Variants in PRICKLE1 observed in about 807,000 individuals in gnomAD.
PRICKLE1 encodes prickle planar cell polarity protein 1, also known as prickle-like protein 1.
A neutral mutation model predicts 70.2 loss-of-function variants in PRICKLE1; 14 were observed. The ratio of observed to expected loss-of-function variants is 0.20; its 90% CI spans 0.13 to 0.31. The LOEUF (loss-of-function observed/expected upper bound fraction) is 0.31, where lower values mean the gene tolerates loss of function less well. Ranked by LOEUF, PRICKLE1 falls within the 10% of genes least tolerant of loss-of-function variation. The pLI is 1.00. For synonymous variants in PRICKLE1, 357 were observed against 379.9 expected (o/e 0.94, Z 0.70); for missense variants, 821 against 1,026.2 (o/e 0.80, Z 2.73).
At chr12:42,528,710 A>G (rs1378727271) in intron 1 of PRICKLE1, among the ~76,000 whole-genome samples, 3 of 152,246 alleles carry the variant, frequency 2.0e-5, no homozygotes, top group Non-Finnish European at 4.4e-5. Context: ...TGTTCAGAAT[A>G]TGCCAGTTTG....
At chr12:42,550,332 TAAAA>T (rs1940293124) in intron 1 of PRICKLE1, 1 of 151,960 alleles carries the variant, frequency 6.6e-6, no homozygotes, top group Non-Finnish European at 1.5e-5. Context: ...GACCTTATCT[TAAAA>T]GAAAGAAAGA....
Position 42,464,986 on chromosome 12 carries a change from G to C in PRICKLE1, c.1048C>G (p.Leu350Val), listed in dbSNP as rs1938034047. Residue 350 changes from leucine to valine, a missense_variant, in exon 7 of 8, where the codon CTC (leucine) becomes GTC (valine). Physicochemically the swap from Leu to Val is conservative, Grantham distance 32. Transcript: ENST00000345127. This position sits in a 1 kb window ranked among gnomAD's most constrained non-coding sequence, Gnocchi z 4.2. ...SRSADQCRQS[L>V]LLSPALNYKF... ...TAGTTCAGAGCAGGCGATAAGAGGAGAGACTGTCTACACTGATCTGCTGAC... is the reference window on the plus strand; with the variant it reads ...TAGTTCAGAGCAGGCGATAAGAGGACAGACTGTCTACACTGATCTGCTGAC... The C allele has an allele frequency of 6.2e-7, 1 of 1,614,006 alleles. No homozygotes were observed. The highest frequency in any genetic ancestry group is 1.1e-5 in the South Asian group (1 of 91,052).
Position 42,541,928 on chromosome 12 carries a change from G to A in PRICKLE1, c.-49+47537C>T, listed in dbSNP as rs931772897. 1.7e-4 allele frequency among the ~76,000 whole-genome samples: 26 copies of A among 152,196 alleles called. 1 individual carries two copies. Among genetic ancestry groups the A allele is most frequent in the Admixed American group, 1.6e-3 (24 of 15,274 alleles). ...AGCCATAGGGTTCAGGAAGCACAGA[G>A]CCAGGAAGAGAAACGGGCTTGCAAC... is the stretch of plus-strand genomic sequence containing the variant. On this transcript the variant is annotated intron_variant, in intron 1 of 7. Coordinates refer to ENST00000345127, the MANE Select transcript of PRICKLE1 (RefSeq NM_153026.3).
At chr12:42,495,323 T>C (rs1593137655) in intron 1 of PRICKLE1, among the ~76,000 whole-genome samples, 1 of 144,688 alleles carries the variant, frequency 6.9e-6, no homozygotes, top group South Asian at 2.2e-4. Context: ...GAGACAGAGG[T>C]CACTGAGATT....
intron 1 of PRICKLE1, among the ~76,000 whole-genome samples, chr12:42,564,510 A>C (rs1940589726): frequency 6.6e-6 from 1 of 152,138 alleles, no homozygotes; most frequent in South Asian, 2.1e-4. Context: ...CAGGAGGCTG[A>C]GGCAGGAGAA....
intron 1 of PRICKLE1, among the ~76,000 whole-genome samples, chr12:42,497,865 TC>T (rs142699423): frequency 0.14 from 21,906 of 151,964 alleles, 1,597 homozygotes; most frequent in Middle Eastern, 0.19. Context: ...TCCTCCCTAC[TC>T]CTACGGCTGC....
At chr12:42,575,699 A>T (rs956497120) in intron 1 of PRICKLE1, among the ~76,000 whole-genome samples, 2 of 152,098 alleles carry the variant, frequency 1.3e-5, no homozygotes, top group African/African-American at 4.8e-5. Flanking sequence ...ATCTCAAAAA[A>T]AAATAAAAAA....
intron 1 of PRICKLE1, among the ~76,000 whole-genome samples, chr12:42,573,397 A>T (rs558031818): frequency 1.3e-5 from 2 of 152,138 alleles, no homozygotes; most frequent in Admixed American, 1.3e-4. Context: ...TATTGACTCT[A>T]TGTGGCCAAC....
At position 42,458,039 on chromosome 12, in the gene PRICKLE1, T is replaced by C. The variant is rs1937643513; in HGVS notation, c.*1770A>G. ...GAAGAACTCTCTCACCATTGGTGCT[T>C]TTCTGAAGGGAATCTGTGTAGCCCA... On this transcript the variant is annotated 3_prime_UTR_variant, in exon 8 of 8. Coordinates refer to ENST00000345127, the MANE Select transcript of PRICKLE1 (RefSeq NM_153026.3). 1 of 152,192 alleles carries C rather than the reference T, an allele frequency of 6.6e-6. No homozygotes were observed. The highest frequency in any genetic ancestry group is 1.5e-5 in the Non-Finnish European group (1 of 68,038). 9.4% of individuals were successfully genotyped at this position (152,192 alleles called of 1,614,324 possible). A position where few individuals can be genotyped will look rare whatever the true frequency, so the allele number is the denominator to read the frequency against.
chr12:42,547,842 T>C (rs772340621), intron 1 of PRICKLE1, among the ~76,000 whole-genome samples: 6 of 152,168 alleles, frequency 3.9e-5, no homozygotes, highest in Admixed American at 2.0e-4. Flanking sequence ...TCTGAAGTAC[T>C]TGGGAGAAGA....
At chr12:42,537,522 C>T (rs371483048) in intron 1 of PRICKLE1, among the ~76,000 whole-genome samples, 1 of 152,112 alleles carries the variant, frequency 6.6e-6, no homozygotes, top group African/African-American at 2.4e-5. Context: ...CCAAACAAAA[C>T]GCAGTAATAT....
chr12:42,557,011 G>A (rs1940424127), intron 1 of PRICKLE1, among the ~76,000 whole-genome samples: 1 of 151,302 alleles, frequency 6.6e-6, no homozygotes, highest in African/African-American at 2.4e-5. Flanking sequence ...TTTTAAAGAG[G>A]CAGGTTCTTA....
At chr12:42,490,607 G>A (rs1398577208) in intron 1 of PRICKLE1, among the ~76,000 whole-genome samples, 2 of 152,192 alleles carry the variant, frequency 1.3e-5, no homozygotes, top group Non-Finnish European at 2.9e-5. Flanking sequence ...GAAGATAGTC[G>A]GTGTGTCTGA....
chr12:42,588,576 T>C (rs1410632656), intron 1 of PRICKLE1, among the ~76,000 whole-genome samples: 2 of 152,010 alleles, frequency 1.3e-5, no homozygotes, highest in Admixed American at 1.3e-4. Context: ...GTCTCAGTTC[T>C]GCCGCTGATA....
At chr12:42,506,512 C>T (rs1455251074) in intron 1 of PRICKLE1, among the ~76,000 whole-genome samples, 1 of 150,904 alleles carries the variant, frequency 6.6e-6, no homozygotes, top group African/African-American at 2.4e-5. Context: ...CCACCTCGGC[C>T]TCCCAAAGTG....
intron 3 of PRICKLE1, 164 bp downstream of exon 3, chr12:42,470,078 CTCTT>C (rs1321450720): frequency 6.4e-5 from 40 of 622,170 alleles, no homozygotes; most frequent in Admixed American, 2.1e-4. Flanking sequence ...ACTCTTTTCT[CTCTT>C]TCTCTCAAAG....
chr12:42,460,383 C>T lies in PRICKLE1; in HGVS notation c.1922G>A (p.Gly641Glu), dbSNP rs374621616. 7 of 1,614,060 alleles carry T rather than the reference C, an allele frequency of 4.3e-6. No individual in the cohort carries two copies. The highest frequency in any genetic ancestry group is 5.9e-6 in the Non-Finnish European group (7 of 1,179,980). ...VKFSDDVIDN[G>E]NYDIEIRQPP... ...CTGCCGGATTTCAATGTCATAGTTC[C>T]CATTGTCAATGACATCATCAGAAAA... The change falls in exon 8 of 8, where the codon GGG becomes GAG. Residue 641 changes from glycine to glutamate, a missense_variant. Coordinates refer to ENST00000345127, the MANE Select transcript of PRICKLE1 (RefSeq NM_153026.3).
intron 1 of PRICKLE1, among the ~76,000 whole-genome samples, chr12:42,546,308 T>G (rs1940211490): frequency 6.6e-6 from 1 of 152,124 alleles, no homozygotes; most frequent in Non-Finnish European, 1.5e-5. Context: ...ACAGACAAAA[T>G]TATGTTATAT....
At chr12:42,503,925 T>C (rs1238937781) in intron 1 of PRICKLE1, among the ~76,000 whole-genome samples, 2 of 152,138 alleles carry the variant, frequency 1.3e-5, no homozygotes, top group Non-Finnish European at 2.9e-5. Context: ...TTTAGTTAAG[T>C]AGCAAAGGGA....
Sources: allele counts gnomAD v4.1 joint callset (sites outside exome capture counted in the v4.1 genomes callset), GRCh38; gene constraint gnomAD v4.1.1; non-coding constraint Gnocchi (gnomAD v3.1); transcripts MANE v1.5; gene names NCBI Gene and HGNC (gene_info 2026-07-23, HGNC 2026-07-21).